The following NAPSA variants were observed in gnomAD, a reference collection of about 807,000 sequenced individuals.
NAPSA encodes the protein napsin-A.
A neutral mutation model predicts 36.7 loss-of-function variants in NAPSA; 37 were observed. That is an observed-to-expected ratio of 1.01 (90% CI 0.78 to 1.33). The LOEUF is 1.33. Among genes scored for constraint, NAPSA ranks in the 40% most tolerant of loss-of-function variants. NAPSA has a pLI of 0.00. For missense variants in NAPSA, 532 were observed against 543.8 expected, an observed-to-expected ratio of 0.98 and a Z score of 0.21; for synonymous variants, 222 against 234.5, an observed-to-expected ratio of 0.95 and a Z score of 0.49.
At chr19:50,367,673 G>A (rs1003796172), upstream of NAPSA, among the ~76,000 whole-genome samples, 2 of 152,134 alleles carry the variant, frequency 1.3e-5, no homozygotes, top group Non-Finnish European at 2.9e-5. Context: ...ATTGCGCTGG[G>A]TCCTGCCCAT....
chr19:50,365,900 C>A (rs749786037), upstream of NAPSA: 279 of 319,834 alleles, frequency 8.7e-4, 4 homozygotes, highest in Middle Eastern at 6.8e-3. Flanking sequence ...CTCCCACCCC[C>A]CCATCCTTCA....
upstream of NAPSA, chr19:50,366,112 AG>A (rs2037546239): frequency 6.6e-6 from 1 of 152,124 alleles, no homozygotes; most frequent in Non-Finnish European, 1.5e-5. Context: ...TTTTATTTGT[AG>A]GTGAAGTATG....
chr19:50,366,647 T>C (rs143810070), upstream of NAPSA, among the ~76,000 whole-genome samples: 1,693 of 76,166 alleles, frequency 0.022, 46 homozygotes, highest in African/African-American at 0.07. Flanking sequence ...CATTGATGAG[T>C]TATTTATTTA....
chr19:50,361,859 TGAG>T (rs1421346756), intron 3 of NAPSA, 78 bp from the exon 4 acceptor site: 2 of 1,603,550 alleles, frequency 1.2e-6, no homozygotes, highest in African/African-American at 2.7e-5. Flanking sequence ...TTCTGACCTG[TGAG>T]GGCATGATAA....
upstream of NAPSA, chr19:50,365,714 G>A (rs1004885203): frequency 9.5e-7 from 1 of 1,050,620 alleles, no homozygotes. Context: ...TCCAGGTTTA[G>A]AAGGAGACCA....
intron 4 of NAPSA, chr19:50,361,438 G>A (rs2037471763): frequency 3.4e-6 from 2 of 586,032 alleles, no homozygotes; most frequent in South Asian, 2.1e-5. Context: ...AACCTTGGAA[G>A]CTCCTCCCCC....
chr19:50,368,525 A>G (rs571348735), upstream of NAPSA, among the ~76,000 whole-genome samples: 1 of 152,210 alleles, frequency 6.6e-6, no homozygotes, highest in Admixed American at 6.5e-5. Context: ...ATAATGGTAA[A>G]GATCCACTTT....
chr19:50,358,761 C>T lies in NAPSA; in HGVS notation c.1055G>A (p.Arg352His), dbSNP rs747885843. 6.2e-7 allele frequency: 1 copy of T among 1,612,184 alleles called. No individual in the cohort carries two copies. The highest frequency in any genetic ancestry group is 8.5e-7 in the Non-Finnish European group (1 of 1,179,618). Residue 352 changes from arginine (R) to histidine (H), a missense_variant, in exon 9 of 9, where the codon CGC becomes CAC. Around this residue, in one of 3 missense-constraint regions of NAPSA, gnomAD observed 385 missense variants for 371.5 expected, o/e 1.04. Transcript: ENST00000253719. Reference protein sequence around the residue: ...YVIQTTRNGVRLCLSGFQALD... With the variant: ...YVIQTTRNGVHLCLSGFQALD... ...GGCCTGGAAACCGGACAAGCAGAGG[C>T]GGACGCCATTTCGAGTAGTCTGCAA...
At chr19:50,360,367 G>C (rs1009482294) in intron 5 of NAPSA, among the ~76,000 whole-genome samples, 1 of 152,198 alleles carries the variant, frequency 6.6e-6, no homozygotes, top group Non-Finnish European at 1.5e-5. Context: ...AGAACTGCTA[G>C]AGTGGGTTGG....
Position 50,358,517 on chromosome 19 carries a change from C to T in NAPSA, c.*36G>A, listed in dbSNP as rs753225128. On this transcript the variant is annotated 3_prime_UTR_variant, in exon 9 of 9. Transcript: ENST00000253719. The stretch of plus-strand genomic sequence containing the variant: ...GATTTTTACTGGGTAGCAGGACCTC[C>T]GCGACCACCCGCTGCGCATGCGCTT... The T allele has an allele frequency of 1.5e-5, 22 of 1,512,722 alleles. No homozygotes were observed. The highest frequency in any genetic ancestry group is 1.3e-5 in the Non-Finnish European group (15 of 1,124,442). 93.7% of individuals were successfully genotyped at this position (1,512,722 alleles called of 1,614,324 possible). A position where few individuals can be genotyped will look rare whatever the true frequency, so the allele number is the denominator to read the frequency against.
upstream of NAPSA, among the ~76,000 whole-genome samples, chr19:50,367,445 T>A (rs1321148620): frequency 3.3e-5 from 5 of 152,216 alleles, no homozygotes; most frequent in South Asian, 1.0e-3. Flanking sequence ...AGGTACTATC[T>A]TAGTGGTCTT....
At chr19:50,358,936 T>C in intron 8 of NAPSA, 75 bp downstream of exon 8, 4 of 1,410,748 alleles carry the variant, frequency 2.8e-6, no homozygotes, top group Non-Finnish European at 4.0e-6. Context: ...CTTCCCTTCC[T>C]AGTGACGTCT....
At chr19:50,367,642 C>T (rs1246941145), upstream of NAPSA, among the ~76,000 whole-genome samples, 1 of 151,912 alleles carries the variant, frequency 6.6e-6, no homozygotes, top group Non-Finnish European at 1.5e-5. Flanking sequence ...ACACAAACAC[C>T]CCATGCCTAC....
At chr19:50,368,420 A>G (rs1280540646), upstream of NAPSA, among the ~76,000 whole-genome samples, 1 of 152,146 alleles carries the variant, frequency 6.6e-6, no homozygotes, top group East Asian at 1.9e-4. Context: ...TGAGCCTAGG[A>G]GGCTGAAGCT....
In NAPSA at chr19:50,362,176, C is replaced by G; in HGVS notation, c.221G>C (p.Arg74Thr). Residue 74 changes from arginine (R) to threonine (T), a missense_variant, in exon 2 of 9, where the codon AGG becomes ACG. Arg to Thr is a moderately conservative substitution (Grantham distance 71). Around this residue, in one of 3 missense-constraint regions of NAPSA, gnomAD observed 102 missense variants for 93.6 expected, o/e 1.09. Coordinates refer to ENST00000253719, the MANE Select transcript of NAPSA (RefSeq NM_004851.3). Reference sequence around the variant, plus strand: ...CTGTGTGGGGCTGTGACTCACATCCCTGTAGTTCGAGAGAGGTACGAAGAT... The same window carrying G: ...CTGTGTGGGGCTGTGACTCACATCCGTGTAGTTCGAGAGAGGTACGAAGAT... Reference protein sequence around the residue: ...KPIFVPLSNYRDVQYFGEIGL... With the variant: ...KPIFVPLSNYTDVQYFGEIGL... 1 of 1,613,136 alleles carries G rather than the reference C, an allele frequency of 6.2e-7. No individual in the cohort carries two copies. Among genetic ancestry groups the G allele is most frequent in the Non-Finnish European group, 8.5e-7 (1 of 1,179,402 alleles).
At chr19:50,363,559 TTTTA>T (rs2123616399) in intron 1 of NAPSA, among the ~76,000 whole-genome samples, 1 of 151,932 alleles carries the variant, frequency 6.6e-6, no homozygotes, top group Non-Finnish European at 1.5e-5. Flanking sequence ...TTTTATTTTA[TTTTA>T]TTTATTAATT....
intron 1 of NAPSA, among the ~76,000 whole-genome samples, chr19:50,363,808 TCC>T (rs1469689404): frequency 6.6e-6 from 1 of 152,054 alleles, no homozygotes; most frequent in African/African-American, 2.4e-5. Flanking sequence ...CAAACAAGCT[TCC>T]CACCTTGGAC....
chr19:50,365,667 T>G, upstream of NAPSA: 3 of 1,529,896 alleles, frequency 2.0e-6, no homozygotes, highest in Non-Finnish European at 2.7e-6. Context: ...GGCCTCATTT[T>G]CTTTCCCCTG....
chr19:50,359,706 T>A (rs2037446454), intron 6 of NAPSA, 34 bp downstream of exon 6: 1 of 1,614,030 alleles, frequency 6.2e-7, no homozygotes, highest in Non-Finnish European at 8.5e-7. Flanking sequence ...GCCCCCAGCC[T>A]CCAGCTCCAG....
Sources: allele counts gnomAD v4.1 joint callset (sites outside exome capture counted in the v4.1 genomes callset), GRCh38; gene constraint gnomAD v4.1.1; regional missense constraint gnomAD v4.1.1; transcripts MANE v1.5; gene names NCBI Gene and HGNC (gene_info 2026-07-23, HGNC 2026-07-21).